Variants in ARHGAP20 observed in about 807,000 individuals in gnomAD.
ARHGAP20 encodes rho GTPase-activating protein 20.
Under a neutral mutation model 73.7 loss-of-function variants are expected in ARHGAP20, and 34 were observed. That is an observed-to-expected ratio of 0.46 (90% CI 0.35 to 0.61). The LOEUF is 0.61. ARHGAP20 is among the 20% of genes least tolerant of loss of function. The pLI, the probability that ARHGAP20 is intolerant of heterozygous loss-of-function variation, is 0.00. For synonymous variants in ARHGAP20, 523 were observed against 518.2 expected, an observed-to-expected ratio of 1.01 and a Z score of -0.13; for missense variants, 1,314 against 1,420.9, an observed-to-expected ratio of 0.92 and a Z score of 1.21.
intron 1 of ARHGAP20, 38 bp from the exon 2 acceptor site, chr11:110,690,667 T>C (rs1591181398): frequency 1.3e-6 from 2 of 1,581,844 alleles, no homozygotes; most frequent in East Asian, 4.5e-5. Context: ...ACCACATGGC[T>C]TGTAAGGCAA....
intron 2 of ARHGAP20, among the ~76,000 whole-genome samples, chr11:110,631,297 A>G (rs1948856086): frequency 6.6e-6 from 1 of 152,134 alleles, no homozygotes; most frequent in African/African-American, 2.4e-5. Context: ...CTCTAACAAG[A>G]TTTAGAAAGT....
chr11:110,625,097 G>A (rs758504515), intron 3 of ARHGAP20, among the ~76,000 whole-genome samples: 1 of 149,092 alleles, frequency 6.7e-6, no homozygotes, highest in African/African-American at 2.5e-5. Context: ...GACTGCAGTG[G>A]CGCAATCTCG....
intron 2 of ARHGAP20, among the ~76,000 whole-genome samples, chr11:110,654,134 C>T (rs760171758): frequency 9.2e-5 from 14 of 152,072 alleles, no homozygotes; most frequent in African/African-American, 3.4e-4. Context: ...ATAGGTGCAG[C>T]AAATCACCAT....
chr11:110,685,804 TC>T (rs1346958428), intron 2 of ARHGAP20, among the ~76,000 whole-genome samples: 1 of 152,134 alleles, frequency 6.6e-6, no homozygotes, highest in Non-Finnish European at 1.5e-5. Context: ...TAGATGTAAT[TC>T]AAAAAATATA....
At chr11:110,649,709 T>C (rs952104886) in intron 2 of ARHGAP20, among the ~76,000 whole-genome samples, 3 of 152,128 alleles carry the variant, frequency 2.0e-5, no homozygotes, top group East Asian at 1.9e-4. Context: ...ATGTGTGATA[T>C]GCTAAAAGTT....
intron 2 of ARHGAP20, among the ~76,000 whole-genome samples, chr11:110,640,371 G>A (rs1235410659): frequency 6.6e-6 from 1 of 151,942 alleles, no homozygotes; most frequent in African/African-American, 2.4e-5. Context: ...ACCTGGTTCT[G>A]ACATGTAGGT....
chr11:110,580,906 C>T lies in ARHGAP20; in HGVS notation c.2040G>A (p.Met680Ile). Residue 680 changes from methionine to isoleucine, a missense_variant, in exon 15 of 15, where the codon ATG (methionine) becomes ATA (isoleucine). By Grantham distance (10) the Met-to-Ile change is conservative (BLOSUM62 1). Transcript: ENST00000683387. Reference protein sequence around the residue: ...LRDHARAPSAMCTPSYLSTAA... With the variant: ...LRDHARAPSAICTPSYLSTAA... ...CTGTGGACAGGTAGCTGGGTGTGCACATGGCAGATGGGGCCCTGGCATGAT... is the reference window on the plus strand; with the variant it reads ...CTGTGGACAGGTAGCTGGGTGTGCATATGGCAGATGGGGCCCTGGCATGAT... 1 of 1,613,538 alleles carries T rather than the reference C, an allele frequency of 6.2e-7. No individual in the cohort carries two copies. Among genetic ancestry groups the T allele is most frequent in the Non-Finnish European group, 8.5e-7 (1 of 1,179,508 alleles).
At position 110,603,918 on chromosome 11, in the gene ARHGAP20, T is replaced by C. The variant is rs188782373; in HGVS notation, c.964+2643A>G. On this transcript the variant is annotated intron_variant, in intron 9 of 14. Transcript: ENST00000683387. ...ATAGATCAGAATGTTTGTACTCAAA[T>C]TTTGATGGCTAGATCACTAACTTTA... Among the ~76,000 whole-genome samples the C allele has an allele frequency of 1.1e-3, 160 of 152,312 alleles. 1 individual carries two copies. The highest frequency in any genetic ancestry group is 3.5e-3 in the African/African-American group (145 of 41,588).
At chr11:110,657,003 G>A (rs1210653317) in intron 2 of ARHGAP20, among the ~76,000 whole-genome samples, 7 of 152,106 alleles carry the variant, frequency 4.6e-5, no homozygotes, top group Admixed American at 3.9e-4. Context: ...TCTTTTTAGA[G>A]GGGCTTGCTA....
intron 1 of ARHGAP20, chr11:110,711,696 C>T: frequency 2.1e-6 from 3 of 1,444,940 alleles, no homozygotes; most frequent in Non-Finnish European, 2.7e-6. Flanking sequence ...GCAGACATCG[C>T]CGGCCCTGAC....
chr11:110,650,780 T>C (rs965045115), intron 2 of ARHGAP20, among the ~76,000 whole-genome samples: 1 of 152,146 alleles, frequency 6.6e-6, no homozygotes, highest in Admixed American at 6.6e-5. Context: ...GAAATAACTT[T>C]AGCCAACTGT....
chr11:110,617,928 G>A (rs1165834340), intron 4 of ARHGAP20, among the ~76,000 whole-genome samples: 1 of 152,150 alleles, frequency 6.6e-6, no homozygotes, highest in Non-Finnish European at 1.5e-5. Flanking sequence ...TTATGGAGGA[G>A]ATAGAGGCCT....
intron 2 of ARHGAP20, among the ~76,000 whole-genome samples, chr11:110,671,645 G>C (rs1022535045): frequency 6.6e-6 from 1 of 151,672 alleles, no homozygotes; most frequent in Non-Finnish European, 1.5e-5. Flanking sequence ...TTAAAGAATA[G>C]GTCAATAACA....
At chr11:110,648,454 T>A (rs1319087322) in intron 2 of ARHGAP20, among the ~76,000 whole-genome samples, 1 of 149,952 alleles carries the variant, frequency 6.7e-6, no homozygotes, top group Admixed American at 6.7e-5. Flanking sequence ...GACAGAAGAA[T>A]AGACTCATAA....
chr11:110,657,420 A>G (rs1949489939), intron 2 of ARHGAP20, among the ~76,000 whole-genome samples: 1 of 152,168 alleles, frequency 6.6e-6, no homozygotes, highest in African/African-American at 2.4e-5. Flanking sequence ...TTTACATTAA[A>G]AAAAACATAA....
At chr11:110,619,692 G>C (rs1415809733) in intron 4 of ARHGAP20, among the ~76,000 whole-genome samples, 1 of 151,662 alleles carries the variant, frequency 6.6e-6, no homozygotes, top group East Asian at 1.9e-4. Flanking sequence ...AGTATATGTA[G>C]TGATAGAGTA....
At chr11:110,686,684 A>G (rs1591177410) in intron 2 of ARHGAP20, among the ~76,000 whole-genome samples, 1 of 152,148 alleles carries the variant, frequency 6.6e-6, no homozygotes, top group African/African-American at 2.4e-5. Flanking sequence ...AAATCTATAA[A>G]GATGATAGCT....
chr11:110,630,720 C>A lies in ARHGAP20; in HGVS notation c.261G>T (p.Leu87=). Residue 87 remains leucine, a synonymous_variant, in exon 3 of 15, where the codon CTG becomes CTT. Transcript: ENST00000683387. ...TTTTGAGTTCTGCCCGGCCATCAAT[C>A]AGCAGAGTCCTATTGGAGCACACTA... ...SSLVCSNRTL[L]IDGRAELKRG... 1 of 1,614,150 alleles carries A rather than the reference C, an allele frequency of 6.2e-7. No homozygotes were observed. Among genetic ancestry groups the A allele is most frequent in the South Asian group, 1.1e-5 (1 of 91,080 alleles).
Position 110,582,391 on chromosome 11 carries a change from T to G in ARHGAP20, c.1650A>C (p.Ile550=). The G allele has an allele frequency of 6.2e-7, 1 of 1,613,940 alleles. No homozygotes were observed. Among genetic ancestry groups the G allele is most frequent in the African/African-American group, 1.3e-5 (1 of 75,058 alleles). ...AGAGGGAAGTGATTTCTTCTCCAAA[T>G]ATCCTAAGGCAATTCTCAATCAGAA... ...IQFLIENCLR[I]FGEEITSLFR... Residue 550 remains isoleucine, a synonymous_variant, in exon 14 of 15, where the codon ATA becomes ATC. Coordinates refer to ENST00000683387, the MANE Select transcript of ARHGAP20 (RefSeq NM_001384657.1).
Sources: allele counts gnomAD v4.1 joint callset (sites outside exome capture counted in the v4.1 genomes callset), GRCh38; gene constraint gnomAD v4.1.1; transcripts MANE v1.5; gene names NCBI Gene and HGNC (gene_info 2026-07-23, HGNC 2026-07-21).